The following DTD1 variants were observed in gnomAD, a reference collection of about 807,000 sequenced individuals.
DTD1 encodes D-tyrosyl-tRNA deacylase 1 homolog.
DTD1 carries 13 observed loss-of-function variants against 25.6 expected under a neutral mutation model. That is an observed-to-expected ratio of 0.51 (90% CI 0.33 to 0.81). The LOEUF is 0.81. Ranked by LOEUF, DTD1 falls within the 30% of genes least tolerant of loss-of-function variation. The pLI, the probability that DTD1 is intolerant of heterozygous loss-of-function variation, is 0.02. For synonymous variants in DTD1, 110 were observed against 103.6 expected, an observed-to-expected ratio of 1.06 and a Z score of -0.37; for missense variants, 193 against 266.4, an observed-to-expected ratio of 0.72 and a Z score of 1.92.
At chr20:18,623,103 C>T (rs1356162830) in intron 3 of DTD1, among the ~76,000 whole-genome samples, 4 of 151,886 alleles carry the variant, frequency 2.6e-5, no homozygotes. Context: ...CCATGCCCAG[C>T]TAATTTTTTG....
At chr20:18,721,579 G>T (rs1326503280) in intron 4 of DTD1, among the ~76,000 whole-genome samples, 1 of 152,052 alleles carries the variant, frequency 6.6e-6, no homozygotes, top group Non-Finnish European at 1.5e-5. Context: ...TTAATGAGTT[G>T]GGAGGATCTC....
At chr20:18,708,232 TTA>T (rs1405109184) in intron 4 of DTD1, among the ~76,000 whole-genome samples, 15 of 22,342 alleles carry the variant, frequency 6.7e-4, no homozygotes, top group African/African-American at 3.4e-3. Context: ...TATATATATT[TTA>T]TATATATATA....
intron 4 of DTD1, among the ~76,000 whole-genome samples, chr20:18,651,559 C>T (rs961800414): frequency 6.6e-6 from 1 of 152,256 alleles, no homozygotes; most frequent in African/African-American, 2.4e-5. Context: ...TCTTAACGCT[C>T]TCATGACTGC....
intron 4 of DTD1, among the ~76,000 whole-genome samples, chr20:18,665,390 G>C (rs960407904): frequency 1.3e-5 from 2 of 152,228 alleles, no homozygotes; most frequent in African/African-American, 2.4e-5. Context: ...GATCAGCCCC[G>C]GCTCTGGGGA....
intron 3 of DTD1, among the ~76,000 whole-genome samples, chr20:18,606,787 GGA>G (rs1568643417): frequency 3.3e-5 from 4 of 121,684 alleles, no homozygotes; most frequent in East Asian, 2.9e-4. Context: ...GTGGGGGGGG[GGA>G]GGGGGGAGGG....
intron 4 of DTD1, among the ~76,000 whole-genome samples, chr20:18,738,217 T>A (rs6075409): frequency 6.6e-6 from 1 of 152,106 alleles, no homozygotes; most frequent in African/African-American, 2.4e-5. Context: ...CTGGGAAGAA[T>A]GCGGGGTTTG....
chr20:18,621,988 C>T (rs1037342473), intron 3 of DTD1, among the ~76,000 whole-genome samples: 6 of 151,684 alleles, frequency 4.0e-5, no homozygotes, highest in South Asian at 4.2e-4. Flanking sequence ...GGCGTGAACC[C>T]GGGAGGCGGA....
chr20:18,695,288 G>A (rs1267923024), intron 4 of DTD1, among the ~76,000 whole-genome samples: 1 of 151,602 alleles, frequency 6.6e-6, no homozygotes, highest in Non-Finnish European at 1.5e-5. Flanking sequence ...TCGTTCAGGT[G>A]CACATCTGCC....
At position 18,592,247 on chromosome 20, in the gene DTD1, A is replaced by G. The variant is rs549142287; in HGVS notation, c.44-1484A>G. On this transcript the variant is annotated intron_variant, in intron 1 of 5. Transcript: ENST00000377452. ...TTAGGTCAGTACAAGATGAAGTAGT[A>G]AAATAACATAATCTAATAAGATTGG... 3 of 152,376 alleles carry G rather than the reference A, an allele frequency of 2.0e-5. No homozygotes were observed. The South Asian group carries it at 6.2e-4, about 32-fold the overall frequency. The allele number at this position is 152,376 out of a possible 1,614,324, so 9.4% of individuals were successfully genotyped here.
chr20:18,666,209 G>C (rs2060930853), intron 4 of DTD1, among the ~76,000 whole-genome samples: 1 of 152,138 alleles, frequency 6.6e-6, no homozygotes, highest in Admixed American at 6.5e-5. Flanking sequence ...GATAGACTAT[G>C]GTTCTGGGTT....
At chr20:18,593,280 T>G in intron 1 of DTD1, among the ~76,000 whole-genome samples, 1 of 152,232 alleles carries the variant, frequency 6.6e-6, no homozygotes, top group East Asian at 1.9e-4. Flanking sequence ...TATGAACATT[T>G]TCCACTTTGT....
chr20:18,686,645 G>GCT (rs1425775787), intron 4 of DTD1, among the ~76,000 whole-genome samples: 2 of 87,462 alleles, frequency 2.3e-5, no homozygotes, highest in East Asian at 6.0e-4. Flanking sequence ...ATATTTATTA[G>GCT]CTGTGTGTGT....
At chr20:18,683,970 T>A (rs2061006978) in intron 4 of DTD1, among the ~76,000 whole-genome samples, 1 of 152,060 alleles carries the variant, frequency 6.6e-6, no homozygotes, top group South Asian at 2.1e-4. Flanking sequence ...GGGATAAGAG[T>A]AGGAGCAATT....
intron 4 of DTD1, among the ~76,000 whole-genome samples, chr20:18,680,263 C>T (rs752244095): frequency 6.6e-6 from 1 of 152,060 alleles, no homozygotes; most frequent in Non-Finnish European, 1.5e-5. Flanking sequence ...TGGGTCACTA[C>T]ATCCTCGACC....
intron 3 of DTD1, among the ~76,000 whole-genome samples, chr20:18,617,820 A>G (rs1307865242): frequency 2.0e-5 from 3 of 152,222 alleles, no homozygotes; most frequent in Non-Finnish European, 2.9e-5. Flanking sequence ...TTGGCTTTAA[A>G]AAAAAATTCA....
intron 3 of DTD1, among the ~76,000 whole-genome samples, chr20:18,610,326 C>T (rs1189458898): frequency 1.3e-5 from 2 of 152,130 alleles, no homozygotes; most frequent in Non-Finnish European, 2.9e-5. Context: ...CTCCTGGGCT[C>T]AAGTGATCCT....
chr20:18,708,236 A>ATATAT (rs1568676674), intron 4 of DTD1, among the ~76,000 whole-genome samples: 33 of 2,874 alleles, frequency 0.011, no homozygotes, highest in East Asian at 0.025. Context: ...TATATTTTAT[A>ATATAT]TATATATAAT....
intron 4 of DTD1, among the ~76,000 whole-genome samples, chr20:18,721,548 A>G (rs1433440042): frequency 1.3e-5 from 2 of 152,180 alleles, no homozygotes; most frequent in African/African-American, 4.8e-5. Flanking sequence ...TTGTAATTGA[A>G]TTAATATTAT....
intron 4 of DTD1, among the ~76,000 whole-genome samples, chr20:18,662,483 G>C (rs767207436): frequency 3.3e-5 from 5 of 152,172 alleles, no homozygotes; most frequent in African/African-American, 1.2e-4. Flanking sequence ...ATCAGAACCA[G>C]ACCTAACCTG....
Sources: allele counts gnomAD v4.1 joint callset (sites outside exome capture counted in the v4.1 genomes callset), GRCh38; gene constraint gnomAD v4.1.1; transcripts MANE v1.5; gene names NCBI Gene and HGNC (gene_info 2026-07-23, HGNC 2026-07-21).